CTNNA3: variants seen among roughly 807,000 people sequenced by gnomAD.
The protein encoded by CTNNA3 is catenin alpha 3.
Under a neutral mutation model 95.7 loss-of-function variants are expected in CTNNA3, and 76 were observed. That is an observed-to-expected ratio of 0.79 (90% confidence interval 0.66 to 0.96). The LOEUF is 0.96. Ranked by LOEUF, CTNNA3 falls within the 40% of genes least tolerant of loss-of-function variation. The pLI is 0.00. For missense variants in CTNNA3, 1,191 were observed against 1,089.8 expected, an observed-to-expected ratio of 1.09 and a Z score of -1.31; for synonymous variants, 431 against 374.4, an observed-to-expected ratio of 1.15 and a Z score of -1.74.
At chr10:66,989,067 GT>G (rs554053847) in intron 7 of CTNNA3, among the ~76,000 whole-genome samples, 1 of 151,842 alleles carries the variant, frequency 6.6e-6, no homozygotes, top group Non-Finnish European at 1.5e-5. Flanking sequence ...AAGAAAAAGT[GT>G]TTTTTTATTT....
chr10:66,387,906 G>T (rs111765561), intron 11 of CTNNA3, among the ~76,000 whole-genome samples: 5,417 of 152,138 alleles, frequency 0.036, 121 homozygotes, highest in Non-Finnish European at 0.05. Flanking sequence ...GAGATCACCT[G>T]GACACAGGGT....
chr10:66,096,706 T>C (rs1437114712), intron 14 of CTNNA3, among the ~76,000 whole-genome samples: 4 of 152,010 alleles, frequency 2.6e-5, no homozygotes, highest in African/African-American at 9.7e-5. Context: ...GTATTTTTAG[T>C]AGAGATGGTG....
At chr10:66,735,543 AATTTATAAC>A (rs1270087251) in intron 9 of CTNNA3, among the ~76,000 whole-genome samples, 1 of 151,926 alleles carries the variant, frequency 6.6e-6, no homozygotes, top group African/African-American at 2.4e-5. Context: ...TTTCCATTTT[AATTTATAAC>A]ATTTATAACT....
At chr10:67,135,663 A>C (rs1004784625) in intron 7 of CTNNA3, among the ~76,000 whole-genome samples, 6 of 152,140 alleles carry the variant, frequency 3.9e-5, no homozygotes, top group African/African-American at 1.4e-4. Context: ...TGACAGAGTG[A>C]GATCATGTGT....
chr10:67,290,114 T>C (rs1464813132), intron 5 of CTNNA3, among the ~76,000 whole-genome samples: 2 of 152,196 alleles, frequency 1.3e-5, no homozygotes, highest in Admixed American at 6.5e-5. Flanking sequence ...CCAAAGTCTT[T>C]AGAATCTCTA....
intron 17 of CTNNA3, among the ~76,000 whole-genome samples, chr10:65,932,661 C>T (rs1049031808): frequency 2.0e-5 from 3 of 152,132 alleles, no homozygotes; most frequent in African/African-American, 7.2e-5. Context: ...TATTTTGTAG[C>T]TCATTGAAAA....
At chr10:67,683,218 C>T (rs946122051) in intron 1 of CTNNA3, among the ~76,000 whole-genome samples, 2 of 152,166 alleles carry the variant, frequency 1.3e-5, no homozygotes, top group Admixed American at 6.5e-5. Context: ...GACCCATGAG[C>T]TTCAGCCCTG....
At chr10:67,729,266 A>G (rs1310385821) in intron 1 of CTNNA3, among the ~76,000 whole-genome samples, 1 of 152,152 alleles carries the variant, frequency 6.6e-6, no homozygotes, top group Non-Finnish European at 1.5e-5. Context: ...ACACAGAATG[A>G]CAATGATAAT....
chr10:66,575,121 C>G (rs1278409507), intron 10 of CTNNA3, among the ~76,000 whole-genome samples: 1 of 151,972 alleles, frequency 6.6e-6, no homozygotes, highest in African/African-American at 2.4e-5. Flanking sequence ...GACTGTAAAC[C>G]CATGCACCGT....
chr10:67,619,490 T>TATCTTTAAATTTAAAATTA (rs1480005050), intron 2 of CTNNA3, among the ~76,000 whole-genome samples: 8 of 152,178 alleles, frequency 5.3e-5, no homozygotes, highest in African/African-American at 1.9e-4. Context: ...GATTTAAATG[T>TATCTTTAAATTTAAAATTA]AAGACCAAAA....
intron 7 of CTNNA3, among the ~76,000 whole-genome samples, chr10:67,033,675 A>G (rs1853869760): frequency 6.6e-6 from 1 of 152,240 alleles, no homozygotes; most frequent in African/African-American, 2.4e-5. Flanking sequence ...AAAGAGAAGA[A>G]TACTGAGGTA....
At chr10:67,454,021 T>C (rs1847083214) in intron 5 of CTNNA3, among the ~76,000 whole-genome samples, 1 of 152,162 alleles carries the variant, frequency 6.6e-6, no homozygotes, top group African/African-American at 2.4e-5. Context: ...ATTTCCTCTG[T>C]ATGTAAACAA....
At chr10:67,160,462 G>T (rs1365582938) in intron 7 of CTNNA3, among the ~76,000 whole-genome samples, 1 of 139,470 alleles carries the variant, frequency 7.2e-6, no homozygotes, top group African/African-American at 2.7e-5. Flanking sequence ...TTTTGAGACA[G>T]GGTCTTGCTC....
intron 11 of CTNNA3, among the ~76,000 whole-genome samples, chr10:66,495,642 G>GTGTTGTTGT (rs139573189): frequency 6.6e-6 from 1 of 151,588 alleles, no homozygotes; most frequent in African/African-American, 2.4e-5. Flanking sequence ...TCATTTTGGG[G>GTGTTGTTGT]TGTTGTTGTT....
chr10:66,404,456 T>C (rs1024565134), intron 11 of CTNNA3, among the ~76,000 whole-genome samples: 2 of 152,140 alleles, frequency 1.3e-5, no homozygotes, highest in Admixed American at 6.5e-5. Flanking sequence ...AGCGCATACT[T>C]ATTGAGATTC....
At chr10:67,587,909 T>C (rs997146923) in intron 3 of CTNNA3, among the ~76,000 whole-genome samples, 5 of 152,166 alleles carry the variant, frequency 3.3e-5, no homozygotes, top group Non-Finnish European at 7.3e-5. Context: ...TTTCATATTT[T>C]TTATATATTT....
chr10:66,131,316 C>T (rs1347766023), intron 13 of CTNNA3, among the ~76,000 whole-genome samples: 4 of 152,134 alleles, frequency 2.6e-5, no homozygotes, highest in Non-Finnish European at 5.9e-5. Context: ...CAAAAATCCT[C>T]AACAAAATAC....
chr10:66,337,881 C>T (rs2092413319), intron 12 of CTNNA3, among the ~76,000 whole-genome samples: 1 of 151,928 alleles, frequency 6.6e-6, no homozygotes, highest in Non-Finnish European at 1.5e-5. Flanking sequence ...TACCACATGA[C>T]CCAGCAATTT....
At chr10:67,395,398 C>T (rs961009946) in intron 5 of CTNNA3, among the ~76,000 whole-genome samples, 9 of 152,072 alleles carry the variant, frequency 5.9e-5, no homozygotes, top group Non-Finnish European at 2.9e-5. Context: ...AAGCTGTGGG[C>T]CAGGAGCCAA....
Sources: allele counts gnomAD v4.1 joint callset (sites outside exome capture counted in the v4.1 genomes callset), GRCh38; gene constraint gnomAD v4.1.1; transcripts MANE v1.5; gene names NCBI Gene and HGNC (gene_info 2026-07-23, HGNC 2026-07-21).